Variants in GALM observed in about 807,000 individuals in gnomAD.
The protein encoded by GALM is galactose mutarotase.
Under a neutral mutation model 37.4 loss-of-function variants are expected in GALM, and 43 were observed. The ratio of observed to expected loss-of-function variants is 1.15; its 90% CI spans 0.90 to 1.48. The LOEUF (loss-of-function observed/expected upper bound fraction) is 1.48, where lower values mean the gene tolerates loss of function less well. Ranked by LOEUF, GALM falls within the 40% of genes most tolerant of loss-of-function variation. The pLI is 0.00. For synonymous variants in GALM, 199 were observed against 170.6 expected, an observed-to-expected ratio of 1.17 and a Z score of -1.30; for missense variants, 456 against 419.1, an observed-to-expected ratio of 1.09 and a Z score of -0.77.
chr2:38,669,575 A>C (rs1253901279), intron 1 of GALM: 1 of 152,182 alleles, frequency 6.6e-6, no homozygotes, highest in Non-Finnish European at 1.5e-5. Flanking sequence ...GAGTTTTTCA[A>C]CCTTTTTTTG....
intron 5 of GALM, among the ~76,000 whole-genome samples, chr2:38,731,310 T>C (rs939059966): frequency 6.6e-6 from 1 of 150,426 alleles, no homozygotes; most frequent in African/African-American, 2.5e-5. Context: ...AGTGGGAGAA[T>C]TGCTTGAGCC....
At chr2:38,702,323 G>T (rs1048565688) in intron 4 of GALM, among the ~76,000 whole-genome samples, 108 of 151,468 alleles carry the variant, frequency 7.1e-4, no homozygotes, top group African/African-American at 2.5e-3. Flanking sequence ...TCATTTCACT[G>T]ATCAAAAAAA....
chr2:38,724,062 G>T (rs1429504424), intron 4 of GALM, among the ~76,000 whole-genome samples: 1 of 152,114 alleles, frequency 6.6e-6, no homozygotes, highest in Non-Finnish European at 1.5e-5. Flanking sequence ...GGGACTACAG[G>T]CACACACCAC....
intron 4 of GALM, among the ~76,000 whole-genome samples, chr2:38,696,768 A>G (rs969714514): frequency 8.2e-5 from 8 of 96,994 alleles, no homozygotes; most frequent in Non-Finnish European, 1.4e-4. Context: ...CACCGCACCT[A>G]CCCCCAAGAA....
chr2:38,703,210 C>T (rs533803824), intron 4 of GALM, among the ~76,000 whole-genome samples: 5 of 139,986 alleles, frequency 3.6e-5, no homozygotes, highest in South Asian at 2.4e-4. Context: ...CAGGTTCAAG[C>T]GATTCTCCTG....
chr2:38,666,339 G>T lies in GALM; in HGVS notation c.178G>T (p.Ala60Ser). ...AGCCTCGGACGTGGTGCTTGGCTTC[G>T]CCGAGTTGGAAGGTGGGTTGAACTG... ...GRASDVVLGF[A>S]ELEGYLQKQP... Residue 60 changes from alanine to serine, a missense_variant, in exon 1 of 7, where the codon GCC becomes TCC. Ala to Ser is a moderately conservative substitution (Grantham distance 99, BLOSUM62 1). Coordinates refer to ENST00000272252, the MANE Select transcript of GALM (RefSeq NM_138801.3). 1 of 1,611,426 alleles carries T rather than the reference G, an allele frequency of 6.2e-7. No homozygotes were observed. The highest frequency in any genetic ancestry group is 8.5e-7 in the Non-Finnish European group (1 of 1,178,548).
chr2:38,733,390 C>G, intron 6 of GALM, 98 bp from the exon 7 acceptor site: 1 of 950,928 alleles, frequency 1.1e-6, no homozygotes, highest in Middle Eastern at 3.0e-4. Flanking sequence ...CAGCCATCCA[C>G]AGAGCACTGG....
chr2:38,667,777 C>G (rs1264844865), intron 1 of GALM, among the ~76,000 whole-genome samples: 1 of 152,010 alleles, frequency 6.6e-6, no homozygotes, highest in African/African-American at 2.4e-5. Flanking sequence ...GCGGAAGTTG[C>G]AGTGAGCCGA....
At chr2:38,727,424 T>A (rs1666507951) in intron 4 of GALM, among the ~76,000 whole-genome samples, 1 of 151,728 alleles carries the variant, frequency 6.6e-6, no homozygotes, top group Non-Finnish European at 1.5e-5. Context: ...GAACAGCAGT[T>A]CTGAGTTTAA....
At chr2:38,678,325 T>G (rs1665310354) in intron 2 of GALM, among the ~76,000 whole-genome samples, 1 of 152,104 alleles carries the variant, frequency 6.6e-6, no homozygotes, top group African/African-American at 2.4e-5. Flanking sequence ...CACATTTTTT[T>G]TTAAGATGAC....
chr2:38,701,366 C>G (rs565076347), intron 4 of GALM, among the ~76,000 whole-genome samples: 1 of 151,912 alleles, frequency 6.6e-6, no homozygotes, highest in African/African-American at 2.4e-5. Context: ...TTTTGCTGCT[C>G]TTTATTTGTA....
chr2:38,712,178 A>C (rs1189248904), intron 4 of GALM, among the ~76,000 whole-genome samples: 1 of 152,134 alleles, frequency 6.6e-6, no homozygotes, highest in East Asian at 1.9e-4. Flanking sequence ...TGGTTCTGTC[A>C]TCCCAAGTGT....
At chr2:38,707,140 T>G (rs1417059110) in intron 4 of GALM, among the ~76,000 whole-genome samples, 1 of 151,874 alleles carries the variant, frequency 6.6e-6, no homozygotes, top group African/African-American at 2.4e-5. Context: ...AACTATGGAT[T>G]TGATCTTGAA....
In GALM at chr2:38,681,470, T is replaced by A; in HGVS notation, c.536T>A (p.Phe179Tyr). The A allele has an allele frequency of 6.2e-7, 1 of 1,614,038 alleles. No homozygotes were observed. Among genetic ancestry groups the A allele is most frequent in the Non-Finnish European group, 8.5e-7 (1 of 1,179,898 alleles). The change falls in exon 3 of 7, where the codon TTC (phenylalanine) becomes TAC (tyrosine). Residue 179 changes from phenylalanine to tyrosine, a missense_variant. Transcript: ENST00000272252. ...GTCAACCTGACCAACCATTCTTACT[T>A]CAACCTGGCAGGCCAGGTAAGTGAA... ...TPVNLTNHSY[F>Y]NLAGQASPNI...
chr2:38,721,431 C>T (rs1248871315), intron 4 of GALM, among the ~76,000 whole-genome samples: 1 of 152,190 alleles, frequency 6.6e-6, no homozygotes, highest in Non-Finnish European at 1.5e-5. Context: ...GTCACTTCCA[C>T]CTCTTCCTGG....
chr2:38,723,782 C>A (rs1238902186), intron 4 of GALM, among the ~76,000 whole-genome samples: 1 of 138,488 alleles, frequency 7.2e-6, no homozygotes, highest in African/African-American at 2.7e-5. Context: ...GAGAGCAAGA[C>A]ACTGACTCAA....
At chr2:38,720,981 G>A (rs1298074755) in intron 4 of GALM, among the ~76,000 whole-genome samples, 1 of 152,228 alleles carries the variant, frequency 6.6e-6, no homozygotes, top group Non-Finnish European at 1.5e-5. Context: ...AAGTTCAAAA[G>A]AGGAAACACA....
chr2:38,691,684 A>G (rs867228660), intron 4 of GALM, among the ~76,000 whole-genome samples: 2 of 152,058 alleles, frequency 1.3e-5, no homozygotes, highest in African/African-American at 4.8e-5. Flanking sequence ...CCTATCTCAA[A>G]AAAAAACCTA....
At chr2:38,720,627 T>G (rs1400540271) in intron 4 of GALM, among the ~76,000 whole-genome samples, 1 of 152,106 alleles carries the variant, frequency 6.6e-6, no homozygotes, top group African/African-American at 2.4e-5. Flanking sequence ...TGGCGGGGAA[T>G]TTAGACAGGG....
Sources: gnomAD v4.1 joint callset for allele counts (sites outside exome capture counted in the v4.1 genomes callset) on GRCh38, gnomAD v4.1.1 for gene constraint, MANE v1.5 for transcripts, NCBI Gene and HGNC (gene_info 2026-07-23, HGNC 2026-07-21) for gene names.